Variants in ANKS1B observed in about 807,000 individuals in gnomAD.
ANKS1B encodes ankyrin repeat and sterile alpha motif domain-containing protein 1B.
In ANKS1B, 36 loss-of-function variants were observed where a neutral mutation model predicts 148.3. That is an observed-to-expected ratio of 0.24 (90% CI 0.19 to 0.32). The LOEUF (loss-of-function observed/expected upper bound fraction) is 0.32, where lower values mean the gene tolerates loss of function less well. Ranked by LOEUF, ANKS1B falls within the 10% of genes least tolerant of loss-of-function variation. The probability of loss-of-function intolerance (pLI) is 1.00; values close to 1 mark genes in which losing one functional copy is unlikely to be tolerated. For synonymous variants in ANKS1B, 542 were observed against 560.8 expected, an observed-to-expected ratio of 0.97 and a Z score of 0.47; for missense variants, 1,157 against 1,542.6, an observed-to-expected ratio of 0.75 and a Z score of 4.19.
At chr12:98,899,669 C>G (rs1269285228) in intron 17 of ANKS1B, among the ~76,000 whole-genome samples, 1 of 152,176 alleles carries the variant, frequency 6.6e-6, no homozygotes, top group Non-Finnish European at 1.5e-5. Context: ...TCTCCACAAT[C>G]ATGTAAGCCA....
chr12:99,714,883 C>A (rs1343501775), intron 8 of ANKS1B, among the ~76,000 whole-genome samples: 2 of 151,868 alleles, frequency 1.3e-5, no homozygotes, highest in East Asian at 3.9e-4. Flanking sequence ...CTTTGGGAAG[C>A]CAAGGCAGAC....
At chr12:99,668,493 A>G (rs1457642642) in intron 8 of ANKS1B, among the ~76,000 whole-genome samples, 2 of 151,974 alleles carry the variant, frequency 1.3e-5, no homozygotes, top group Admixed American at 6.6e-5. Context: ...ACTGAATTCT[A>G]TGAGACTCCT....
intron 1 of ANKS1B, among the ~76,000 whole-genome samples, chr12:99,869,236 A>T (rs1345729728): frequency 3.3e-5 from 5 of 152,170 alleles, no homozygotes; most frequent in Admixed American, 2.0e-4. Context: ...AAATTAATAT[A>T]AAAAAATCAA....
At chr12:99,939,481 C>T (rs547066710) in intron 1 of ANKS1B, among the ~76,000 whole-genome samples, 16 of 151,980 alleles carry the variant, frequency 1.1e-4, no homozygotes, top group Middle Eastern at 3.4e-3. Flanking sequence ...TCCTCCTGCC[C>T]CAGCCTTCGA....
intron 12 of ANKS1B, among the ~76,000 whole-genome samples, chr12:99,270,834 A>G (rs998080357): frequency 6.6e-6 from 1 of 152,244 alleles, no homozygotes; most frequent in Non-Finnish European, 1.5e-5. Flanking sequence ...AAGTAGTTCA[A>G]AAAAGAATAT....
At chr12:99,651,916 T>C (rs535136401) in intron 9 of ANKS1B, among the ~76,000 whole-genome samples, 8 of 151,848 alleles carry the variant, frequency 5.3e-5, no homozygotes, top group Middle Eastern at 3.4e-3. Flanking sequence ...TGTATGTGTA[T>C]ATACTATATA....
intron 17 of ANKS1B, among the ~76,000 whole-genome samples, chr12:98,875,490 G>C (rs201379): frequency 6.6e-6 from 1 of 152,074 alleles, no homozygotes; most frequent in Non-Finnish European, 1.5e-5. Context: ...TCCAGTTCTC[G>C]GCAGCTCTGT....
intron 8 of ANKS1B, among the ~76,000 whole-genome samples, chr12:99,770,664 T>A (rs192546344): frequency 6.6e-6 from 1 of 152,128 alleles, no homozygotes; most frequent in East Asian, 1.9e-4. Context: ...ATCCTTTAGA[T>A]TTTTCTCATT....
chr12:99,527,509 C>T (rs2096938557), intron 9 of ANKS1B, among the ~76,000 whole-genome samples: 1 of 152,050 alleles, frequency 6.6e-6, no homozygotes, highest in African/African-American at 2.4e-5. Context: ...TGTGGCTCTC[C>T]CCGGAATTCT....
intron 12 of ANKS1B, among the ~76,000 whole-genome samples, chr12:99,260,588 A>T (rs907972173): frequency 3.3e-5 from 5 of 152,228 alleles, no homozygotes; most frequent in Non-Finnish European, 4.4e-5. Flanking sequence ...GTATGTTTTA[A>T]ATCAACTTTG....
intron 9 of ANKS1B, among the ~76,000 whole-genome samples, chr12:99,526,795 C>A (rs764084429): frequency 5.3e-5 from 8 of 152,146 alleles, no homozygotes; most frequent in Non-Finnish European, 1.2e-4. Context: ...TATGTCCTCC[C>A]AAAATTCACG....
At chr12:98,763,804 G>C (rs149262253) in intron 25 of ANKS1B, among the ~76,000 whole-genome samples, 3 of 152,010 alleles carry the variant, frequency 2.0e-5, no homozygotes, top group Non-Finnish European at 2.9e-5. Context: ...GTTGGTCTTC[G>C]CATGCCATTA....
At chr12:99,198,767 C>G (rs1029526538) in intron 14 of ANKS1B, among the ~76,000 whole-genome samples, 5 of 152,142 alleles carry the variant, frequency 3.3e-5, no homozygotes, top group African/African-American at 1.2e-4. Flanking sequence ...AATCAGCCTG[C>G]AAGAGGGTCC....
chr12:99,362,884 T>C (rs1665184463), intron 12 of ANKS1B, among the ~76,000 whole-genome samples: 4 of 152,064 alleles, frequency 2.6e-5, no homozygotes, highest in Admixed American at 2.0e-4. Context: ...ATGTCTTTGT[T>C]ATTTTATTCA....
At chr12:99,613,993 G>T (rs998822653) in intron 9 of ANKS1B, among the ~76,000 whole-genome samples, 5 of 151,680 alleles carry the variant, frequency 3.3e-5, no homozygotes, top group Admixed American at 1.3e-4. Context: ...AAATATCCCA[G>T]ATTTAAATGA....
chr12:99,235,735 C>G (rs1385217960), intron 14 of ANKS1B, among the ~76,000 whole-genome samples: 2 of 152,080 alleles, frequency 1.3e-5, no homozygotes, highest in African/African-American at 4.8e-5. Context: ...AAATCTAATG[C>G]AAACCTGTAT....
In ANKS1B at chr12:99,984,762, C is replaced by CGCGGCGGCG. The variant is rs898428434; in HGVS notation, c.-534_-526dup. On this transcript the variant is annotated 5_prime_UTR_variant, in exon 1 of 27. Transcript: ENST00000683438. ...GGGCGGCGTCCGCGGCGGGGAGGAG[C>CGCGGCGGCG]GCGGCGGCGGCGGCGGCGGCTCGTG... 2 of 148,816 alleles carry CGCGGCGGCG rather than the reference C, an allele frequency of 1.3e-5. No homozygotes were observed. The highest frequency in any genetic ancestry group is 6.8e-5 in the Admixed American group (1 of 14,810). The allele number at this position is 148,816 out of a possible 1,614,324, so 9.2% of individuals were successfully genotyped here.
At chr12:99,810,574 C>T (rs939134409) in intron 3 of ANKS1B, among the ~76,000 whole-genome samples, 1 of 151,878 alleles carries the variant, frequency 6.6e-6, no homozygotes, top group Non-Finnish European at 1.5e-5. Context: ...GTTGCAACTT[C>T]TTGCCAATAG....
At chr12:98,880,660 C>G (rs958871217) in intron 17 of ANKS1B, among the ~76,000 whole-genome samples, 1 of 152,090 alleles carries the variant, frequency 6.6e-6, no homozygotes. Context: ...CCCAGCTACT[C>G]AGGAGACTGA....
Sources: allele counts gnomAD v4.1 joint callset (sites outside exome capture counted in the v4.1 genomes callset), GRCh38; gene constraint gnomAD v4.1.1; transcripts MANE v1.5; gene names NCBI Gene and HGNC (gene_info 2026-07-23, HGNC 2026-07-21).